Variants in PAK3 observed in about 807,000 individuals in gnomAD.
PAK3 encodes p21 (RAC1) activated kinase 3, also known as serine/threonine-protein kinase PAK 3.
A neutral mutation model predicts 41.0 loss-of-function variants in PAK3; 4 were observed. The ratio of observed to expected loss-of-function variants is 0.10; its 90% CI spans 0.05 to 0.22. PAK3 has a LOEUF of 0.22. Among genes scored for constraint, PAK3 ranks in the 10% least tolerant of loss-of-function variants. The pLI is 1.00. For missense variants in PAK3, 205 were observed against 409.9 expected (o/e 0.50, Z 4.32); for synonymous variants, 146 against 139.6 (o/e 1.05, Z -0.32).
At position 110,998,662 on chromosome X, in the gene PAK3, A is replaced by G. The variant is rs760934336; in HGVS notation, c.-28+54034A>G. Among the ~76,000 whole-genome samples the G allele has an allele frequency of 5.3e-5, 6 of 112,174 alleles. No individual in the cohort carries two copies. In the South Asian group the frequency reaches 2.3e-3, roughly 42 times the overall value. On this transcript the variant is annotated intron_variant, in intron 1 of 14. Transcript: ENST00000425146. ...GTAGGAGAAAAAATATTCAAATGAA[A>G]AGATCCACCTCCTGCATTAGAATGT...
intron 1 of PAK3, among the ~76,000 whole-genome samples, chrX:111,080,936 T>A (rs1352680199): frequency 9.0e-6 from 1 of 111,524 alleles, no homozygotes; most frequent in African/African-American, 3.3e-5. Flanking sequence ...TGTGACAACA[T>A]GGATGAACCT....
chrX:111,112,272 C>T (rs1411024814), intron 4 of PAK3, among the ~76,000 whole-genome samples: 1 of 109,660 alleles, frequency 9.1e-6, no homozygotes, highest in Non-Finnish European at 1.9e-5. Flanking sequence ...CCTTAATACA[C>T]GTTGCTGCTT....
intron 1 of PAK3, among the ~76,000 whole-genome samples, chrX:110,989,705 A>G (rs1026168803): frequency 5.4e-5 from 6 of 111,729 alleles, no homozygotes; most frequent in African/African-American, 2.0e-4. Context: ...TATCTTCTGC[A>G]TTATCACACA....
chrX:110,981,542 A>AGTGT (rs3033534), intron 1 of PAK3, among the ~76,000 whole-genome samples: 99 of 103,004 alleles, frequency 9.6e-4, no homozygotes, highest in African/African-American at 3.2e-3. Context: ...GAGAAAAAAT[A>AGTGT]GTGTGTGTGT....
In PAK3 at chrX:111,002,353, C is replaced by T. The variant is rs141044829; in HGVS notation, c.-28+57725C>T. The stretch of plus-strand genomic sequence containing the variant: ...CAAAATTATATGCAGGAGATTGGCT[C>T]TAGAATTCTGTGTCCTTACGTCTGT... On this transcript the variant is annotated intron_variant, in intron 1 of 14. Coordinates refer to the PAK3 transcript ENST00000425146. Among the ~76,000 whole-genome samples the T allele has an allele frequency of 8.4e-3, 944 of 111,862 alleles. 25 individuals carry two copies. Among genetic ancestry groups the T allele is most frequent in the Admixed American group, 0.064 (669 of 10,521 alleles).
chrX:111,203,223 C>T (rs1041719958), intron 16 of PAK3, among the ~76,000 whole-genome samples: 14 of 112,074 alleles, frequency 1.2e-4, no homozygotes, highest in African/African-American at 4.5e-4. Flanking sequence ...ATTCTACTCA[C>T]ATTTATCCAT....
At chrX:111,198,339 A>G (rs1264509684) in intron 16 of PAK3, among the ~76,000 whole-genome samples, 2 of 112,513 alleles carry the variant, frequency 1.8e-5, no homozygotes, top group East Asian at 5.6e-4. Flanking sequence ...ATGAAGTTCC[A>G]TGTGTCAATT....
At chrX:111,130,959 TAATAAC>T (rs200568962) in intron 5 of PAK3, among the ~76,000 whole-genome samples, 2,346 of 111,742 alleles carry the variant, frequency 0.021, 55 homozygotes, top group African/African-American at 0.068. Flanking sequence ...CTCCACTACT[TAATAAC>T]AAAGCAAGGC....
chrX:111,151,451 A>T lies in PAK3; in HGVS notation c.431-959A>T, dbSNP rs760067356. ...TCATAGGTTTTCTGAATGCTCTGGT[A>T]TTGGGACTGACTAACTGAATAGGAA... On this transcript the variant is annotated intron_variant, in intron 7 of 17. Coordinates refer to ENST00000372007, the MANE Select transcript of PAK3 (RefSeq NM_002578.5). 5.4e-5 allele frequency among the ~76,000 whole-genome samples: 6 copies of T among 111,770 alleles called. No homozygotes were observed. In the South Asian group the frequency reaches 2.3e-3, roughly 42 times the overall value.
chrX:110,989,884 C>T (rs536614476), intron 1 of PAK3, among the ~76,000 whole-genome samples: 7 of 111,661 alleles, frequency 6.3e-5, no homozygotes, highest in African/African-American at 2.0e-4. Flanking sequence ...ATATAACAGA[C>T]GCATCACCAC....
chrX:111,061,646 G>A (rs993593244), intron 1 of PAK3, among the ~76,000 whole-genome samples: 1 of 111,248 alleles, frequency 9.0e-6, no homozygotes, highest in Non-Finnish European at 1.9e-5. Context: ...GTACATTTTT[G>A]TAGTTTTCTC....
chrX:110,950,011 G>T (rs2090708101), intron 1 of PAK3, among the ~76,000 whole-genome samples: 1 of 111,064 alleles, frequency 9.0e-6, no homozygotes, highest in Non-Finnish European at 1.9e-5. Flanking sequence ...AGGGCTTTGG[G>T]TATTAGAAGT....
rs1333881191 is a variant in PAK3, at chrX:111,004,590, G to T, written c.-28+59962G>T. On this transcript the variant is annotated intron_variant, in intron 1 of 14. Transcript: ENST00000425146. ...ATATCCTATGAAAACACTTCCTAAA[G>T]TTGGCCTTTTTGTAAGAAAATTTGG... Among the ~76,000 whole-genome samples, 2 of 112,431 alleles carry T rather than the reference G, an allele frequency of 1.8e-5. 1 individual carries two copies. The highest frequency in any genetic ancestry group is 7.4e-4 in the South Asian group (2 of 2,719).
intron 11 of PAK3, among the ~76,000 whole-genome samples, chrX:111,190,465 T>C (rs1276973878): frequency 8.9e-6 from 1 of 111,918 alleles, no homozygotes; most frequent in Non-Finnish European, 1.9e-5. Flanking sequence ...GTCTGACATA[T>C]ACAACATACT....
intron 8 of PAK3, among the ~76,000 whole-genome samples, chrX:111,153,391 A>G (rs1351436572): frequency 8.0e-5 from 9 of 112,239 alleles, no homozygotes; most frequent in Non-Finnish European, 1.7e-4. Context: ...AAAATAAGTA[A>G]CCTAGTTGTT....
At chrX:111,169,756 A>G (rs2094311779) in intron 10 of PAK3, among the ~76,000 whole-genome samples, 1 of 112,000 alleles carries the variant, frequency 8.9e-6, no homozygotes, top group Non-Finnish European at 1.9e-5. Context: ...ATATGGTGAT[A>G]CTGGCATTGT....
At chrX:111,023,353 C>T (rs1008895778) in intron 1 of PAK3, among the ~76,000 whole-genome samples, 1 of 111,793 alleles carries the variant, frequency 8.9e-6, no homozygotes, top group Non-Finnish European at 1.9e-5. Context: ...AATAAACATA[C>T]ATGTGCATGT....
In PAK3 at chrX:110,988,839, C is replaced by T. The variant is rs16986274; in HGVS notation, c.-28+44211C>T. Among the ~76,000 whole-genome samples the T allele has an allele frequency of 6.9e-3, 771 of 111,699 alleles. 5 individuals carry two copies. The highest frequency in any genetic ancestry group is 0.023 in the African/African-American group (712 of 30,761). The stretch of plus-strand genomic sequence containing the variant: ...AGGTATCAGGCTAATGGCATTGACC[C>T]CATTAGACGGAAAATGCATCTGGGT... On this transcript the variant is annotated intron_variant, in intron 1 of 14. Coordinates refer to the PAK3 transcript ENST00000425146.
intron 1 of PAK3, among the ~76,000 whole-genome samples, chrX:111,035,502 G>C (rs913255417): frequency 3.6e-5 from 4 of 111,868 alleles, no homozygotes; most frequent in Non-Finnish European, 7.5e-5. Flanking sequence ...ATGGTGCCTG[G>C]CATGAGAGCA....
Sources: allele counts gnomAD v4.1 joint callset (sites outside exome capture counted in the v4.1 genomes callset), GRCh38; gene constraint gnomAD v4.1.1; transcripts MANE v1.5; gene names NCBI Gene and HGNC (gene_info 2026-07-23, HGNC 2026-07-21).